Variants in VPS13B observed in about 807,000 individuals in gnomAD.
VPS13B encodes the protein intermembrane lipid transfer protein VPS13B.
VPS13B carries 285 observed loss-of-function variants against 426.4 expected under a neutral mutation model. The observed-to-expected ratio is 0.67, with a 90% CI of 0.61 to 0.74. The LOEUF (loss-of-function observed/expected upper bound fraction) is 0.74, where lower values mean the gene tolerates loss of function less well. Ranked by LOEUF, VPS13B falls within the 30% of genes least tolerant of loss-of-function variation. The pLI is 0.00. For missense variants in VPS13B, 4,537 were observed against 4,782.6 expected (o/e 0.95, Z 1.51); for synonymous variants, 1,676 against 1,676.4 (o/e 1.00, Z 0.01).
chr8:99,776,937 C>T lies in VPS13B; in HGVS notation c.7410C>T (p.His2470=). ...ACCTGGAATTCCATCTTTGTCATCACCTTGACCAACTAGGCACAGGTACTC... is the reference window on the plus strand; with the variant it reads ...ACCTGGAATTCCATCTTTGTCATCATCTTGACCAACTAGGCACAGGTACTC... ...FAHLEFHLCH[H]LDQLGTAAPQ... Residue 2470 remains histidine, a synonymous_variant, in exon 41 of 62, where the codon CAC becomes CAT. Coordinates refer to ENST00000357162, the MANE Select transcript of VPS13B (RefSeq NM_152564.5). 1.9e-6 allele frequency: 3 copies of T among 1,614,018 alleles called. No individual in the cohort carries two copies. Among genetic ancestry groups the T allele is most frequent in the Admixed American group, 1.7e-5 (1 of 60,002 alleles).
chr8:99,476,954 T>G (rs1819725752), intron 24 of VPS13B, among the ~76,000 whole-genome samples: 1 of 152,202 alleles, frequency 6.6e-6, no homozygotes, highest in African/African-American at 2.4e-5. Context: ...CTAATAAGAT[T>G]GAGCTTTTTT....
chr8:99,515,454 C>T (rs989193812), intron 29 of VPS13B, among the ~76,000 whole-genome samples: 1 of 151,898 alleles, frequency 6.6e-6, no homozygotes, highest in Non-Finnish European at 1.5e-5. Context: ...GCTTTTTCTT[C>T]TTTTTTTGGT....
intron 15 of VPS13B, among the ~76,000 whole-genome samples, chr8:99,157,057 A>G (rs73699970): frequency 0.024 from 3,664 of 152,280 alleles, 138 homozygotes; most frequent in African/African-American, 0.082. Flanking sequence ...TTAGTTTAAT[A>G]TGGATGCTTT....
chr8:99,215,589 T>C (rs1373039007), intron 17 of VPS13B, among the ~76,000 whole-genome samples: 70 of 152,292 alleles, frequency 4.6e-4, no homozygotes, highest in Admixed American at 2.0e-4. Context: ...ATGTGATTCC[T>C]TTTGCCCCCT....
chr8:99,025,832 AT>A (rs1398766342), intron 2 of VPS13B, among the ~76,000 whole-genome samples: 3 of 152,104 alleles, frequency 2.0e-5, no homozygotes, highest in Non-Finnish European at 4.4e-5. Flanking sequence ...AGGTATACTA[AT>A]TTATTGGTGA....
intron 25 of VPS13B, among the ~76,000 whole-genome samples, chr8:99,487,478 A>G (rs1563756397): frequency 6.6e-6 from 1 of 152,164 alleles, no homozygotes; most frequent in Non-Finnish European, 1.5e-5. Flanking sequence ...TACCATTTTA[A>G]CCATTTTAAA....
chr8:99,599,624 A>C (rs894208359), intron 33 of VPS13B, among the ~76,000 whole-genome samples: 3 of 152,130 alleles, frequency 2.0e-5, no homozygotes, highest in African/African-American at 4.8e-5. Flanking sequence ...TAGACTTTTA[A>C]GAAAAATTAA....
Position 99,766,896 on chromosome 8 carries a change from C to G in VPS13B, c.7173C>G (p.Asp2391Glu), listed in dbSNP as rs1260714272. The change falls in exon 40 of 62, where the codon GAC becomes GAG. Residue 2391 changes from aspartate (D) to glutamate (E), a missense_variant. By Grantham distance (45) the Asp-to-Glu change is conservative (BLOSUM62 2). Transcript: ENST00000357162. ...TGCCGGATATCAATCTCGTGAATGA[C>G]CAGAAGAAATTAGTATCTTCAGATC... ...LQLPDINLVN[D>E]QKKLVSSDLW... is the part of the protein sequence containing the mutation. 1.2e-6 allele frequency: 2 copies of G among 1,613,908 alleles called. No homozygotes were observed. The highest frequency in any genetic ancestry group is 1.1e-5 in the South Asian group (1 of 91,082).
chr8:99,486,792 C>T (rs1034960934), intron 25 of VPS13B, among the ~76,000 whole-genome samples: 3 of 152,172 alleles, frequency 2.0e-5, no homozygotes, highest in African/African-American at 4.8e-5. Flanking sequence ...ACTGTTTCCA[C>T]TTGTTACCCT....
At chr8:99,581,380 G>C (rs973432921) in intron 33 of VPS13B, among the ~76,000 whole-genome samples, 2 of 152,040 alleles carry the variant, frequency 1.3e-5, no homozygotes, top group African/African-American at 4.8e-5. Context: ...AAATTTACCA[G>C]TTCACAGCCA....
chr8:99,851,367 T>C (rs1816285573), intron 55 of VPS13B, among the ~76,000 whole-genome samples: 1 of 152,050 alleles, frequency 6.6e-6, no homozygotes, highest in Admixed American at 6.5e-5. Context: ...AGGCATGGAA[T>C]TGGGCAAGGT....
At chr8:99,161,989 C>T (rs1811685212) in intron 15 of VPS13B, among the ~76,000 whole-genome samples, 1 of 152,168 alleles carries the variant, frequency 6.6e-6, no homozygotes, top group Admixed American at 6.5e-5. Flanking sequence ...CCACCTCGAC[C>T]TCCCAAAGTG....
intron 17 of VPS13B, among the ~76,000 whole-genome samples, chr8:99,197,019 GT>G: frequency 6.6e-6 from 1 of 152,130 alleles, no homozygotes; most frequent in South Asian, 2.1e-4. Flanking sequence ...TCTATTAGTA[GT>G]TTTGATCACG....
chr8:99,358,223 A>G (rs2133228437), intron 19 of VPS13B, among the ~76,000 whole-genome samples: 1 of 152,328 alleles, frequency 6.6e-6, no homozygotes, highest in African/African-American at 2.4e-5. Context: ...AATTGTGAGG[A>G]AACTCCATGT....
intron 3 of VPS13B, among the ~76,000 whole-genome samples, chr8:99,081,656 G>C (rs1037878401): frequency 7.1e-6 from 1 of 141,696 alleles, no homozygotes; most frequent in Non-Finnish European, 1.5e-5. Flanking sequence ...GTTCCGCGTC[G>C]TATGTCCATG....
In VPS13B at chr8:99,868,369, G is replaced by T; in HGVS notation, c.11296G>T (p.Ala3766Ser). 3 of 1,614,148 alleles carry T rather than the reference G, an allele frequency of 1.9e-6. No individual in the cohort carries two copies. The highest frequency in any genetic ancestry group is 2.5e-6 in the Non-Finnish European group (3 of 1,180,030). Residue 3766 changes from alanine to serine, a missense_variant, in exon 59 of 62, where the codon GCC becomes TCC. By Grantham distance (99) the Ala-to-Ser change is moderately conservative (BLOSUM62 1). This residue lies in a region of VPS13B where 4,311 missense variants were observed against 4,474.3 expected (regional missense o/e 0.96). Transcript: ENST00000357162. Reference sequence around the variant, plus strand: ...GGCACAGGCTTCAGCAGGACACAAGGCCAAGGGTGTCATCTCGGGTGTGGG... The same window carrying T: ...GGCACAGGCTTCAGCAGGACACAAGTCCAAGGGTGTCATCTCGGGTGTGGG... ...SEAQASAGHK[A>S]KGVISGVGKG...
chr8:99,153,530 A>T, intron 14 of VPS13B, among the ~76,000 whole-genome samples: 1 of 152,146 alleles, frequency 6.6e-6, no homozygotes, highest in Non-Finnish European at 1.5e-5. Context: ...ATTCAAGTCC[A>T]CTTTCAAATA....
chr8:99,264,177 G>C (rs887405690), intron 17 of VPS13B, among the ~76,000 whole-genome samples: 3 of 149,664 alleles, frequency 2.0e-5, no homozygotes, highest in Non-Finnish European at 3.0e-5. Flanking sequence ...ATTCCTTCAG[G>C]TGTGTGAGAT....
At chr8:99,310,861 C>G (rs183514173) in intron 19 of VPS13B, among the ~76,000 whole-genome samples, 70 of 152,250 alleles carry the variant, frequency 4.6e-4, no homozygotes, top group African/African-American at 1.6e-3. Flanking sequence ...TGTTATTGGT[C>G]TATTCAGGGC....
Sources: allele counts gnomAD v4.1 joint callset (sites outside exome capture counted in the v4.1 genomes callset), GRCh38; gene constraint gnomAD v4.1.1; regional missense constraint gnomAD v4.1.1; transcripts MANE v1.5; gene names NCBI Gene and HGNC (gene_info 2026-07-23, HGNC 2026-07-21).